Variants in ATP10B observed in about 807,000 individuals in gnomAD.
The protein encoded by ATP10B is phospholipid-transporting ATPase VB.
In ATP10B, 122 loss-of-function variants were observed where a neutral mutation model predicts 141.2. That is an observed-to-expected ratio of 0.86 (90% CI 0.75 to 1.00). The LOEUF is 1.00. ATP10B is among the 50% of genes least tolerant of loss of function. The pLI is 0.00. For missense variants in ATP10B, 1,876 were observed against 1,825.3 expected, an observed-to-expected ratio of 1.03 and a Z score of -0.51; for synonymous variants, 685 against 692.0, an observed-to-expected ratio of 0.99 and a Z score of 0.16.
rs1761213391 is a variant in ATP10B, at chr5:160,653,806, CATAT to C, written c.676-4554_676-4551del. ...CATATATATTATATAGACGTATATA[CATAT>C]ATATTATATAGACGTATATACATAT... is the stretch of plus-strand genomic sequence containing the variant. On this transcript the variant is annotated intron_variant, in intron 7 of 25. Coordinates refer to ENST00000327245, the MANE Select transcript of ATP10B (RefSeq NM_025153.3). 2.6e-5 allele frequency among the ~76,000 whole-genome samples: 3 copies of C among 117,462 alleles called. 1 individual carries two copies. Among genetic ancestry groups the C allele is most frequent in the Admixed American group, 9.8e-5 (1 of 10,166 alleles). 77.1% of individuals were successfully genotyped at this position (117,462 alleles called of 152,430 possible).
chr5:160,698,012 A>G (rs1165130812), intron 3 of ATP10B, among the ~76,000 whole-genome samples: 1 of 152,214 alleles, frequency 6.6e-6, no homozygotes, highest in African/African-American at 2.4e-5. Context: ...CAAGTTCATT[A>G]GAGTTTAGAG....
chr5:160,862,722 C>T, the ATP10B span, among the ~76,000 whole-genome samples: 1 of 151,952 alleles, frequency 6.6e-6, no homozygotes, highest in African/African-American at 2.4e-5. Flanking sequence ...CCTTAAATTT[C>T]CAGTTCCTAT....
At chr5:160,662,500 C>T (rs1430568218) in intron 7 of ATP10B, among the ~76,000 whole-genome samples, 2 of 152,132 alleles carry the variant, frequency 1.3e-5, no homozygotes, top group Non-Finnish European at 2.9e-5. Flanking sequence ...CACATATCTA[C>T]AACTATCTGA....
intron 7 of ATP10B, among the ~76,000 whole-genome samples, chr5:160,665,234 G>T (rs955903328): frequency 1.3e-5 from 2 of 152,192 alleles, no homozygotes. Flanking sequence ...AGGATAATCT[G>T]CAATGTCATG....
intron 21 of ATP10B, among the ~76,000 whole-genome samples, chr5:160,600,363 T>C (rs751331819): frequency 1.3e-5 from 2 of 152,162 alleles, no homozygotes; most frequent in African/African-American, 2.4e-5. Flanking sequence ...ACTTTCTCAG[T>C]CCTATCTTTG....
Position 160,617,905 on chromosome 5 carries a change from AC to A in ATP10B, c.2484del (p.Leu828PhefsTer17), listed in dbSNP as rs778143585. ...IRARTQKHLDLYARDGLRTLC... is the reference protein window; with the variant it reads ...IRARTQKHLDXYARDGLRTLC... ...AGTGTGCGCAGGCCATCTCTTGCATACAAGTCTAGATGCTTTTGGGTCCGGG... is the reference window on the plus strand; with the variant it reads ...AGTGTGCGCAGGCCATCTCTTGCATAAAGTCTAGATGCTTTTGGGTCCGGG... On this transcript the variant is annotated frameshift_variant, in exon 16 of 26. Transcript: ENST00000327245. LOFTEE classifies it high-confidence loss of function. 1 of 1,614,198 alleles carries A rather than the reference AC, an allele frequency of 6.2e-7. No homozygotes were observed. The highest frequency in any genetic ancestry group is 1.3e-5 in the African/African-American group (1 of 75,062).
At chr5:160,586,013 A>C (rs1755872093) in intron 24 of ATP10B, among the ~76,000 whole-genome samples, 1 of 152,178 alleles carries the variant, frequency 6.6e-6, no homozygotes, top group Non-Finnish European at 1.5e-5. Context: ...CAGAACGTGC[A>C]AGTTTGTTAC....
At chr5:160,763,854 A>G (rs1350505564) in intron 2 of ATP10B, among the ~76,000 whole-genome samples, 3 of 152,186 alleles carry the variant, frequency 2.0e-5, no homozygotes, top group African/African-American at 4.8e-5. Context: ...AATAAGCTCA[A>G]TTAGAAACAA....
intron 1 of ATP10B, among the ~76,000 whole-genome samples, chr5:160,846,237 C>G (rs1237950545): frequency 6.6e-6 from 1 of 152,046 alleles, no homozygotes; most frequent in Non-Finnish European, 1.5e-5. Context: ...GTACAATATC[C>G]AAGCATGTGC....
intron 4 of ATP10B, among the ~76,000 whole-genome samples, 156 bp downstream of exon 4, chr5:160,688,604 C>G (rs373564997): frequency 2.5e-4 from 38 of 152,176 alleles, no homozygotes; most frequent in Non-Finnish European, 4.9e-4. Flanking sequence ...ACTATTCTTT[C>G]TATACTTATT....
intron 6 of ATP10B, among the ~76,000 whole-genome samples, chr5:160,675,096 T>C (rs1762940674): frequency 6.6e-6 from 1 of 152,156 alleles, no homozygotes; most frequent in Non-Finnish European, 1.5e-5. Flanking sequence ...TGCTCTTGCA[T>C]GGAGTGAAGC....
chr5:160,640,543 G>A lies in ATP10B; in HGVS notation c.918C>T (p.Arg306=). 1.2e-6 allele frequency: 2 copies of A among 1,614,122 alleles called. No individual in the cohort carries two copies. Among genetic ancestry groups the A allele is most frequent in the Non-Finnish European group, 8.5e-7 (1 of 1,180,000 alleles). The change falls in exon 10 of 26, where the codon CGC becomes CGT. Residue 306 remains arginine, a synonymous_variant. Transcript: ENST00000327245. ...MLNNSGPRYK[R]SKIERRMNID... ...TATTCATGCGCCGCTCAATCTTGCT[G>A]CGTTTGTACCGGGGGCCACTGTTGT...
intron 6 of ATP10B, 127 bp downstream of exon 6, chr5:160,685,952 C>T (rs181138181): frequency 9.8e-6 from 8 of 818,856 alleles, no homozygotes; most frequent in Non-Finnish European, 1.1e-5. Flanking sequence ...AATCACCCCC[C>T]CTTGAGAATC....
the ATP10B span, among the ~76,000 whole-genome samples, chr5:160,878,631 A>G: frequency 6.6e-6 from 1 of 152,106 alleles, no homozygotes; most frequent in Non-Finnish European, 1.5e-5. Context: ...TTCACAACCT[A>G]CTCATCTGAC....
chr5:160,783,446 CATAT>C (rs368913170), intron 2 of ATP10B, among the ~76,000 whole-genome samples: 16,829 of 120,476 alleles, frequency 0.14, 1,365 homozygotes, highest in Middle Eastern at 0.18. Context: ...ATATCCATCA[CATAT>C]ATATATATAT....
At chr5:160,755,787 C>T (rs1173902418) in intron 2 of ATP10B, among the ~76,000 whole-genome samples, 2 of 131,274 alleles carry the variant, frequency 1.5e-5, no homozygotes, top group Non-Finnish European at 3.1e-5. Context: ...TGCACTCCAG[C>T]CTGGGCGACA....
the ATP10B span, among the ~76,000 whole-genome samples, chr5:160,891,701 G>T: frequency 9.2e-5 from 14 of 152,172 alleles, no homozygotes; most frequent in African/African-American, 3.4e-4. Context: ...GCCTCCCAAA[G>T]TGCTGGGATT....
intron 2 of ATP10B, among the ~76,000 whole-genome samples, chr5:160,722,935 A>G (rs1341732382): frequency 6.6e-6 from 1 of 152,166 alleles, no homozygotes; most frequent in East Asian, 1.9e-4. Context: ...CTTCATACAG[A>G]GCATACTGAG....
At chr5:160,656,689 A>G (rs2127706443) in intron 7 of ATP10B, among the ~76,000 whole-genome samples, 1 of 152,086 alleles carries the variant, frequency 6.6e-6, no homozygotes, top group East Asian at 1.9e-4. Context: ...TTTTTTTTAT[A>G]GTCACAAAGG....
Sources: allele counts gnomAD v4.1 joint callset (sites outside exome capture counted in the v4.1 genomes callset), GRCh38; gene constraint gnomAD v4.1.1; transcripts MANE v1.5; gene names NCBI Gene and HGNC (gene_info 2026-07-23, HGNC 2026-07-21).